Variants in AATF observed in about 807,000 individuals in gnomAD.
AATF encodes apoptosis antagonizing transcription factor.
AATF carries 48 observed loss-of-function variants against 63.7 expected under a neutral mutation model. That is an observed-to-expected ratio of 0.75 (90% CI 0.60 to 0.96). The LOEUF (loss-of-function observed/expected upper bound fraction) is 0.96. AATF is among the 40% of genes least tolerant of loss of function. AATF has a pLI of 0.00. For missense variants in AATF, 639 were observed against 685.7 expected (o/e 0.93, Z 0.76); for synonymous variants, 258 against 247.7 (o/e 1.04, Z -0.39).
chr17:37,019,221 T>C, intron 9 of AATF, 149 bp downstream of exon 9: 1 of 666,758 alleles, frequency 1.5e-6, no homozygotes, highest in Non-Finnish European at 2.6e-6. Flanking sequence ...TGTGACTAAT[T>C]GTTTACCCTA....
intron 10 of AATF, among the ~76,000 whole-genome samples, chr17:37,024,263 G>A (rs1348526798): frequency 6.6e-6 from 1 of 152,166 alleles, no homozygotes; most frequent in African/African-American, 2.4e-5. Flanking sequence ...TGCACAAGAC[G>A]ACTTCCTCAC....
chr17:37,029,811 C>A (rs911722497), intron 10 of AATF, among the ~76,000 whole-genome samples: 4 of 151,616 alleles, frequency 2.6e-5, no homozygotes, highest in African/African-American at 9.7e-5. Context: ...GGTGATCTGC[C>A]CCCCCTCAGC....
chr17:36,963,499 T>G (rs775440242), intron 4 of AATF, among the ~76,000 whole-genome samples: 41 of 152,230 alleles, frequency 2.7e-4, no homozygotes, highest in Non-Finnish European at 4.6e-4. Flanking sequence ...TGTCAAAACT[T>G]GATTTTTTGC....
intron 4 of AATF, among the ~76,000 whole-genome samples, chr17:36,964,928 G>A (rs1450774529): frequency 6.6e-6 from 1 of 152,004 alleles, no homozygotes; most frequent in Non-Finnish European, 1.5e-5. Flanking sequence ...TACCGCTTTC[G>A]GGTTTTCAGG....
chr17:36,996,321 G>T (rs920021624), intron 8 of AATF, among the ~76,000 whole-genome samples: 1 of 152,146 alleles, frequency 6.6e-6, no homozygotes, highest in Non-Finnish European at 1.5e-5. Flanking sequence ...TGTAATCTCA[G>T]CTACTTGGAG....
chr17:36,981,702 C>CTTTTTTTTTTTTTTTTTTTTTTTCTTTTT (rs71368433), intron 4 of AATF, among the ~76,000 whole-genome samples: 1 of 110,480 alleles, frequency 9.1e-6, no homozygotes, highest in Non-Finnish European at 1.9e-5. Flanking sequence ...TCTTTCTTTT[C>CTTTTTTTTTTTTTTTTTTTTTTTCTTTTT]TTTTTTTTTT....
intron 11 of AATF, among the ~76,000 whole-genome samples, chr17:37,045,025 A>G (rs538358933): frequency 8.5e-5 from 13 of 152,362 alleles, no homozygotes; most frequent in African/African-American, 3.1e-4. Flanking sequence ...TTAACAAAGC[A>G]TAAAGGCCTG....
intron 4 of AATF, among the ~76,000 whole-genome samples, chr17:36,972,235 G>A (rs1315004951): frequency 6.6e-6 from 1 of 152,164 alleles, no homozygotes; most frequent in Admixed American, 6.5e-5. Context: ...ACCCAGAAGA[G>A]AATAATAGAT....
chr17:37,005,992 A>G (rs1323063022), intron 8 of AATF, among the ~76,000 whole-genome samples: 1 of 152,044 alleles, frequency 6.6e-6, no homozygotes, highest in East Asian at 1.9e-4. Flanking sequence ...AAAAGTAACC[A>G]GGCATGGTGG....
intron 8 of AATF, among the ~76,000 whole-genome samples, chr17:37,001,489 A>G (rs2071298071): frequency 6.6e-6 from 1 of 151,932 alleles, no homozygotes; most frequent in African/African-American, 2.4e-5. Flanking sequence ...AAAGGATTAC[A>G]CACCATGACC....
chr17:37,022,820 C>T (rs1230573358), intron 10 of AATF, among the ~76,000 whole-genome samples: 1 of 151,992 alleles, frequency 6.6e-6, no homozygotes, highest in African/African-American at 2.4e-5. Context: ...GTGTTTGTTG[C>T]CATTATTACT....
chr17:37,031,652 C>A lies in AATF; in HGVS notation c.1586C>A (p.Pro529His), dbSNP rs2071552641. Residue 529 changes from proline to histidine, a missense_variant, in exon 11 of 12, where the codon CCT becomes CAT. Pro to His is a moderately conservative substitution (Grantham distance 77). Transcript: ENST00000619387. ...AGCAAGCTACTGAGTTTCATGGCAC[C>A]TATTGACCATACTACAATGAATGAT... The part of the protein sequence containing the change: ...VLSKLLSFMA[P>H]IDHTTMNDDA... The A allele has an allele frequency of 6.2e-7, 1 of 1,614,022 alleles. No homozygotes were observed. The highest frequency in any genetic ancestry group is 1.7e-5 in the Admixed American group (1 of 59,996).
At chr17:36,988,903 T>C (rs1452195046) in intron 6 of AATF, among the ~76,000 whole-genome samples, 183 bp downstream of exon 6, 7 of 152,206 alleles carry the variant, frequency 4.6e-5, no homozygotes, top group Non-Finnish European at 8.8e-5. Context: ...AGACTTGGGA[T>C]TTTAACTTTA....
chr17:36,982,228 G>GTTTTTTTTTTT (rs2071131235), intron 4 of AATF, among the ~76,000 whole-genome samples: 2 of 113,592 alleles, frequency 1.8e-5, no homozygotes, highest in African/African-American at 3.6e-5. Flanking sequence ...TTTGTTTTTT[G>GTTTTTTTTTTT]TTTTGTTTTT....
At chr17:37,033,568 A>G (rs964080776) in intron 11 of AATF, among the ~76,000 whole-genome samples, 9 of 152,218 alleles carry the variant, frequency 5.9e-5, no homozygotes, top group South Asian at 2.1e-4. Flanking sequence ...TTGAAGGTCT[A>G]CTATTTGCTA....
At chr17:37,038,796 TA>T (rs1270218217) in intron 11 of AATF, among the ~76,000 whole-genome samples, 1 of 152,070 alleles carries the variant, frequency 6.6e-6, no homozygotes, top group Non-Finnish European at 1.5e-5. Flanking sequence ...CTGCTGGCAT[TA>T]AAAAAAGAAC....
At chr17:36,991,881 G>A (rs892234792) in intron 8 of AATF, among the ~76,000 whole-genome samples, 1 of 152,106 alleles carries the variant, frequency 6.6e-6, no homozygotes, top group Non-Finnish European at 1.5e-5. Flanking sequence ...CACTGCACCC[G>A]GCCAGACAAA....
intron 11 of AATF, among the ~76,000 whole-genome samples, chr17:37,048,536 AT>A (rs1426787660): frequency 3.3e-5 from 5 of 151,500 alleles, no homozygotes; most frequent in Non-Finnish European, 7.4e-5. Context: ...ACGCCCAGCT[AT>A]TTTTTGTATT....
rs143812308 is a variant in AATF at position 37,040,589 on chromosome 17, A to G, written c.1619+8904A>G. Among the ~76,000 whole-genome samples, 334 of 152,348 alleles carry G rather than the reference A, an allele frequency of 2.2e-3. 2 individuals carry two copies. Among genetic ancestry groups the G allele is most frequent in the African/African-American group, 7.7e-3 (322 of 41,586 alleles). On this transcript the variant is annotated intron_variant, in intron 11 of 11. Transcript: ENST00000619387. ...AGTAGTGGAACAGGTGTGTGCATCT[A>G]AGAGTGTGGTCCCAACCCCCACTGC...
Sources: allele counts gnomAD v4.1 joint callset (sites outside exome capture counted in the v4.1 genomes callset), GRCh38; gene constraint gnomAD v4.1.1; transcripts MANE v1.5; gene names NCBI Gene and HGNC (gene_info 2026-07-23, HGNC 2026-07-21).